LRP1B: variants seen among roughly 807,000 people sequenced by gnomAD.
LRP1B encodes LDL receptor related protein 1B.
In LRP1B, 217 loss-of-function variants were observed where a neutral mutation model predicts 556.6. The ratio of observed to expected loss-of-function variants is 0.39; its 90% confidence interval spans 0.35 to 0.44. LRP1B has a LOEUF of 0.44. Ranked by LOEUF, LRP1B falls within the 20% of genes least tolerant of loss-of-function variation. The probability of loss-of-function intolerance (pLI) is 1.00; values close to 1 mark genes in which losing one functional copy is unlikely to be tolerated. For missense variants in LRP1B, 5,053 were observed against 5,620.8 expected (o/e 0.90, Z 3.23); for synonymous variants, 2,047 against 1,865.8 (o/e 1.10, Z -2.50).
intron 31 of LRP1B, among the ~76,000 whole-genome samples, chr2:140,827,612 C>T (rs1275917931): frequency 6.6e-6 from 1 of 151,628 alleles, no homozygotes; most frequent in Non-Finnish European, 1.5e-5. Context: ...AGAACACCTG[C>T]AAGATATAGG....
intron 20 of LRP1B, among the ~76,000 whole-genome samples, chr2:140,939,115 GTAC>G (rs1045118777): frequency 5.9e-5 from 9 of 152,138 alleles, no homozygotes; most frequent in African/African-American, 2.2e-4. Context: ...GAGAAAAAAA[GTAC>G]TACAAGGGAT....
intron 1 of LRP1B, among the ~76,000 whole-genome samples, chr2:142,012,156 C>T (rs1056154638): frequency 1.3e-5 from 2 of 151,870 alleles, no homozygotes; most frequent in African/African-American, 2.4e-5. Context: ...ATTTTTAAAA[C>T]CTTTATTTTT....
At chr2:141,632,691 G>A (rs1358632948) in intron 2 of LRP1B, among the ~76,000 whole-genome samples, 1 of 151,794 alleles carries the variant, frequency 6.6e-6, no homozygotes, top group South Asian at 2.1e-4. Flanking sequence ...ACCAAATGGG[G>A]TTGGCATATA....
rs188142653 is a variant in LRP1B, at chr2:141,574,247, C to T, written c.206-93714G>A. ...AGCACATCAAAAAACTTATCCACCA[C>T]GATCAAATCAGCTTCATCCCTGGGA... On this transcript the variant is annotated intron_variant, in intron 2 of 90. Coordinates refer to ENST00000389484, the MANE Select transcript of LRP1B (RefSeq NM_018557.3). Among the ~76,000 whole-genome samples, 154 of 152,246 alleles carry T rather than the reference C, an allele frequency of 1.0e-3. 1 individual carries two copies. Among genetic ancestry groups the T allele is most frequent in the African/African-American group, 3.3e-3 (139 of 41,562 alleles).
intron 41 of LRP1B, among the ~76,000 whole-genome samples, chr2:140,691,240 G>C (rs911912150): frequency 1.4e-4 from 21 of 152,114 alleles, no homozygotes; most frequent in African/African-American, 5.1e-4. Flanking sequence ...GGGAGGCCAA[G>C]GCGAGTGGAT....
intron 39 of LRP1B, 110 bp downstream of exon 39, chr2:140,702,031 G>T: frequency 7.3e-7 from 1 of 1,374,544 alleles, no homozygotes; most frequent in Non-Finnish European, 1.0e-6. Context: ...TACTGGCTTT[G>T]TGAGTTCCTT....
intron 84 of LRP1B, 37 bp from the exon 85 acceptor site, chr2:140,274,635 A>T (rs1682595869): frequency 6.4e-7 from 1 of 1,554,586 alleles, no homozygotes; most frequent in South Asian, 1.2e-5. Context: ...ATAAAATTAT[A>T]TTACAGGACA....
At chr2:141,713,999 G>C (rs1313111669) in intron 2 of LRP1B, among the ~76,000 whole-genome samples, 3 of 151,940 alleles carry the variant, frequency 2.0e-5, no homozygotes, top group Non-Finnish European at 4.4e-5. Flanking sequence ...ACTGAGCAGT[G>C]ATACTTATCA....
intron 7 of LRP1B, among the ~76,000 whole-genome samples, chr2:141,112,071 TAATAAATAAATA>T (rs71391645): frequency 1.2e-3 from 176 of 145,818 alleles, no homozygotes; most frequent in African/African-American, 4.2e-3. Context: ...AATAAATAAA[TAATAAATAAATA>T]AATAAATAAA....
chr2:140,843,096 T>TTTTG (rs1559151684), intron 29 of LRP1B, among the ~76,000 whole-genome samples: 1 of 31,860 alleles, frequency 3.1e-5, no homozygotes, highest in Non-Finnish European at 6.9e-5. Context: ...TTTTTTTTTT[T>TTTTG]TTTGTTTTTT....
intron 1 of LRP1B, among the ~76,000 whole-genome samples, chr2:141,912,694 A>C (rs902223888): frequency 6.6e-6 from 1 of 152,190 alleles, no homozygotes; most frequent in Non-Finnish European, 1.5e-5. Context: ...TGGAAGATGA[A>C]ATTCCCATGT....
chr2:141,772,268 T>A (rs540170163), intron 2 of LRP1B, among the ~76,000 whole-genome samples: 1 of 152,304 alleles, frequency 6.6e-6, no homozygotes, highest in Non-Finnish European at 1.5e-5. Flanking sequence ...CCACCCAACC[T>A]ATGGTATCCT....
chr2:140,653,892 G>A (rs1684775313), intron 41 of LRP1B, among the ~76,000 whole-genome samples: 1 of 151,702 alleles, frequency 6.6e-6, no homozygotes, highest in African/African-American at 2.4e-5. Flanking sequence ...GAAGGTGGTG[G>A]TGGGCGCCTG....
intron 2 of LRP1B, among the ~76,000 whole-genome samples, chr2:141,717,824 T>C (rs192772021): frequency 1.6e-4 from 24 of 152,374 alleles, no homozygotes; most frequent in African/African-American, 5.0e-4. Context: ...GATACAATCA[T>C]TACTAATGTT....
rs192395234 is a variant in LRP1B, at chr2:140,883,680, G to A, written c.4169+137C>T. Reference sequence around the variant, plus strand: ...CTCACATACCTACCCCCACCTCCCCGCCCCCGCCACACACACACATACATG... The same window carrying A: ...CTCACATACCTACCCCCACCTCCCCACCCCCGCCACACACACACATACATG... On this transcript the variant is annotated intron_variant, in intron 25 of 90. Transcript: ENST00000389484. 6.1e-4 allele frequency: 122 copies of A among 199,184 alleles called. 1 individual carries two copies. Among genetic ancestry groups the A allele is most frequent in the African/African-American group, 2.0e-3 (40 of 20,426 alleles). 12.3% of individuals were successfully genotyped at this position (199,184 alleles called of 1,614,324 possible).
chr2:141,598,505 G>C (rs1358487746), intron 2 of LRP1B, among the ~76,000 whole-genome samples: 1 of 151,952 alleles, frequency 6.6e-6, no homozygotes, highest in Non-Finnish European at 1.5e-5. Flanking sequence ...AATTCCTTAA[G>C]GACAGAAATG....
chr2:140,936,356 A>AAAAAAGAAAGG (rs1553562927), intron 20 of LRP1B, among the ~76,000 whole-genome samples: 8 of 125,668 alleles, frequency 6.4e-5, no homozygotes, highest in African/African-American at 2.7e-4. Flanking sequence ...AAAAAAAAAA[A>AAAAAAGAAAGG]AAAAAAGAAA....
intron 1 of LRP1B, among the ~76,000 whole-genome samples, chr2:141,923,229 T>C (rs1346993845): frequency 1.3e-5 from 2 of 151,692 alleles, no homozygotes; most frequent in Admixed American, 6.6e-5. Context: ...ATTATAACAG[T>C]TACGGAAAAA....
chr2:140,328,694 C>CA (rs1352416272), intron 79 of LRP1B, among the ~76,000 whole-genome samples: 2 of 151,756 alleles, frequency 1.3e-5, no homozygotes, highest in Non-Finnish European at 2.9e-5. Flanking sequence ...ATAAAGGAGC[C>CA]AAAAAAGCTG....
Sources: allele counts gnomAD v4.1 joint callset (sites outside exome capture counted in the v4.1 genomes callset), GRCh38; gene constraint gnomAD v4.1.1; transcripts MANE v1.5; gene names NCBI Gene and HGNC (gene_info 2026-07-23, HGNC 2026-07-21).